GRIP1: variants seen among roughly 807,000 people sequenced by gnomAD.
The protein encoded by GRIP1 is glutamate receptor interacting protein 1.
Under a neutral mutation model 129.9 loss-of-function variants are expected in GRIP1, and 45 were observed. The observed-to-expected ratio is 0.35, with a 90% CI of 0.27 to 0.44. The LOEUF (loss-of-function observed/expected upper bound fraction) is 0.44. Ranked by LOEUF, GRIP1 falls within the 20% of genes least tolerant of loss-of-function variation. GRIP1 has a pLI of 1.00. For synonymous variants in GRIP1, 530 were observed against 520.8 expected (o/e 1.02, Z -0.24); for missense variants, 1,196 against 1,396.8 (o/e 0.86, Z 2.29).
At chr12:66,712,952 G>C (rs973746499) in intron 1 of GRIP1, among the ~76,000 whole-genome samples, 1 of 151,924 alleles carries the variant, frequency 6.6e-6, no homozygotes, top group African/African-American at 2.4e-5. Flanking sequence ...GACTATATCA[G>C]CCAATGATTA....
chr12:66,987,939 A>G (rs1434154008), intron 1 of GRIP1, among the ~76,000 whole-genome samples: 1 of 152,204 alleles, frequency 6.6e-6, no homozygotes, highest in African/African-American at 2.4e-5. Flanking sequence ...TTGTGCCCTC[A>G]GTAAATGTAG....
At chr12:66,734,067 A>G (rs1169753722) in intron 1 of GRIP1, among the ~76,000 whole-genome samples, 1 of 152,204 alleles carries the variant, frequency 6.6e-6, no homozygotes, top group Non-Finnish European at 1.5e-5. Context: ...AGCAGGAATC[A>G]AAGTTGCTTG....
At chr12:66,783,484 G>A (rs2038222294) in intron 1 of GRIP1, among the ~76,000 whole-genome samples, 1 of 152,164 alleles carries the variant, frequency 6.6e-6, no homozygotes, top group Admixed American at 6.5e-5. Flanking sequence ...CCTCTTGGCA[G>A]CAACTTATAA....
At chr12:66,567,037 A>G (rs1350152154) in intron 2 of GRIP1, among the ~76,000 whole-genome samples, 1 of 151,906 alleles carries the variant, frequency 6.6e-6, no homozygotes, top group African/African-American at 2.4e-5. Context: ...TAGTCTTGCT[A>G]GCTGTCTATC....
intron 2 of GRIP1, among the ~76,000 whole-genome samples, chr12:66,584,443 CATCTCTGTA>C (rs2063534215): frequency 6.6e-6 from 1 of 152,100 alleles, no homozygotes; most frequent in Non-Finnish European, 1.5e-5. Flanking sequence ...CGTGGTGGCA[CATCTCTGTA>C]ATCCCAGCTA....
intron 1 of GRIP1, among the ~76,000 whole-genome samples, chr12:66,655,003 C>T (rs1024364906): frequency 3.3e-5 from 5 of 152,030 alleles, no homozygotes; most frequent in Non-Finnish European, 4.4e-5. Flanking sequence ...AAGTATTGTA[C>T]GCAGGAACAT....
chr12:66,543,441 A>T (rs563625756), intron 2 of GRIP1, among the ~76,000 whole-genome samples: 2 of 152,230 alleles, frequency 1.3e-5, no homozygotes. Flanking sequence ...AAGAATGAAA[A>T]TTCTTGTCAA....
chr12:67,068,999 GCCCCGGCCCGGACCCCTGCCCTCCCT>G (rs1250281854), intron 1 of GRIP1: 53 of 869,756 alleles, frequency 6.1e-5, no homozygotes, highest in Non-Finnish European at 6.6e-5. Context: ...GCACCGGGCG[GCCCCGGCCCGGACCCCTGCCCTCCCT>G]CCCCGGCCCC....
chr12:66,687,310 C>T (rs766312683), intron 1 of GRIP1, among the ~76,000 whole-genome samples: 4 of 152,038 alleles, frequency 2.6e-5, no homozygotes, highest in Non-Finnish European at 5.9e-5. Context: ...ATACTAACAC[C>T]TAGAATATTT....
At chr12:66,743,012 C>T (rs2036836122) in intron 1 of GRIP1, among the ~76,000 whole-genome samples, 1 of 152,058 alleles carries the variant, frequency 6.6e-6, no homozygotes, top group African/African-American at 2.4e-5. Flanking sequence ...AGCAGCCTTT[C>T]CTGATTGGAA....
At chr12:66,865,471 A>AG (rs1184926753) in intron 1 of GRIP1, among the ~76,000 whole-genome samples, 5 of 136,138 alleles carry the variant, frequency 3.7e-5, no homozygotes, top group African/African-American at 1.2e-4. Flanking sequence ...TCTTTGTGGT[A>AG]GTTTTTTTTT....
intron 1 of GRIP1, among the ~76,000 whole-genome samples, chr12:66,910,869 C>T (rs993997260): frequency 5.9e-5 from 9 of 152,150 alleles, no homozygotes; most frequent in African/African-American, 2.2e-4. Context: ...ACAGCTCCAT[C>T]TTTATCACTT....
chr12:66,647,329 C>T (rs551366581), intron 1 of GRIP1: 12 of 152,286 alleles, frequency 7.9e-5, no homozygotes, highest in African/African-American at 2.6e-4. Context: ...TTTTTCAGCC[C>T]TTTGAAATTT....
intron 1 of GRIP1, among the ~76,000 whole-genome samples, chr12:66,635,065 A>C (rs7311299): frequency 6.6e-6 from 1 of 151,950 alleles, no homozygotes; most frequent in Admixed American, 6.6e-5. Flanking sequence ...ACATAGTAGG[A>C]GTCAATAAAT....
At chr12:66,838,773 G>A (rs2039662948) in intron 1 of GRIP1, among the ~76,000 whole-genome samples, 1 of 152,166 alleles carries the variant, frequency 6.6e-6, no homozygotes, top group Non-Finnish European at 1.5e-5. Flanking sequence ...GAAAATGGAA[G>A]AGGTTAAAAA....
chr12:66,931,706 C>T (rs573710368), intron 1 of GRIP1, among the ~76,000 whole-genome samples: 42 of 152,072 alleles, frequency 2.8e-4, no homozygotes, highest in African/African-American at 9.9e-4. Flanking sequence ...TAAATTCAAC[C>T]CCAGAAATTA....
chr12:66,883,618 G>C (rs2040516455), intron 1 of GRIP1, among the ~76,000 whole-genome samples: 2 of 152,162 alleles, frequency 1.3e-5, no homozygotes, highest in Admixed American at 6.5e-5. Flanking sequence ...GTGTCTCAAT[G>C]ATCAAAAGCT....
chr12:66,934,942 C>T (rs890146712), intron 1 of GRIP1, among the ~76,000 whole-genome samples: 10 of 152,200 alleles, frequency 6.6e-5, no homozygotes, highest in South Asian at 2.1e-4. Context: ...CCAAAGCCCT[C>T]GAGCCAAGGA....
intron 12 of GRIP1, 105 bp from the exon 13 acceptor site, chr12:66,444,834 T>A: frequency 8.2e-7 from 1 of 1,219,014 alleles, no homozygotes; most frequent in Non-Finnish European, 1.2e-6. Flanking sequence ...CATCATAATT[T>A]GGTCTTGCTT....
Sources: allele counts gnomAD v4.1 joint callset (sites outside exome capture counted in the v4.1 genomes callset), GRCh38; gene constraint gnomAD v4.1.1; transcripts MANE v1.5; gene names NCBI Gene and HGNC (gene_info 2026-07-23, HGNC 2026-07-21).